The following DHODH variants were observed in gnomAD, a reference collection of about 807,000 sequenced individuals.
The protein encoded by DHODH is dihydroorotate dehydrogenase (quinone).
A neutral mutation model predicts 39.7 loss-of-function variants in DHODH; 30 were observed. The observed-to-expected ratio is 0.76, with a 90% CI of 0.57 to 1.02. The LOEUF (loss-of-function observed/expected upper bound fraction) is 1.02, where lower values mean the gene tolerates loss of function less well. Among genes scored for constraint, DHODH ranks in the 50% least tolerant of loss-of-function variants. The pLI, the probability that DHODH is intolerant of heterozygous loss-of-function variation, is 0.00. For missense variants in DHODH, 531 were observed against 520.8 expected (o/e 1.02, Z -0.19); for synonymous variants, 222 against 213.8 (o/e 1.04, Z -0.34).
chr16:72,008,927 C>A (rs2041050706), intron 1 of DHODH, 142 bp downstream of exon 1: 4 of 1,527,914 alleles, frequency 2.6e-6, no homozygotes, highest in Admixed American at 4.1e-5. Context: ...TTTCCGGGGT[C>A]TCCTGCAAAT....
intron 5 of DHODH, among the ~76,000 whole-genome samples, chr16:72,021,905 G>T (rs1205795139): frequency 6.6e-6 from 1 of 152,040 alleles, no homozygotes; most frequent in East Asian, 1.9e-4. Context: ...ACCAGCCTGG[G>T]CAACTTGGCA....
At chr16:72,014,932 A>T (rs2041125388) in intron 3 of DHODH, among the ~76,000 whole-genome samples, 1 of 152,226 alleles carries the variant, frequency 6.6e-6, no homozygotes, top group Non-Finnish European at 1.5e-5. Flanking sequence ...CACGGAGATA[A>T]TAAGCAGGAG....
intron 2 of DHODH, among the ~76,000 whole-genome samples, chr16:72,013,264 G>A (rs542763678): frequency 2.0e-4 from 30 of 152,276 alleles, no homozygotes; most frequent in Middle Eastern, 3.4e-3. Flanking sequence ...AGAGCACTCC[G>A]TTAAGGTGTC....
At chr16:72,016,857 A>T in intron 3 of DHODH, 167 bp from the exon 4 acceptor site, 1 of 680,462 alleles carries the variant, frequency 1.5e-6, no homozygotes, top group Non-Finnish European at 2.7e-6. Flanking sequence ...TGGGTATTGG[A>T]TGGTGTTCTG....
At chr16:72,020,337 A>G (rs2041192944) in intron 4 of DHODH, 1 of 120,212 alleles carries the variant, frequency 8.3e-6, no homozygotes, top group Non-Finnish European at 1.6e-5. Flanking sequence ...GTGTATATAT[A>G]TATATATATA....
In DHODH at chr16:72,024,308, C is replaced by T. The variant is rs2041256896; in HGVS notation, c.*109C>T. 4 of 1,233,060 alleles carry T rather than the reference C, an allele frequency of 3.2e-6. No homozygotes were observed. Among genetic ancestry groups the T allele is most frequent in the Admixed American group, 1.8e-5 (1 of 55,014 alleles). The allele number at this position is 1,233,060 out of a possible 1,614,324, so 76.4% of individuals were successfully genotyped here. On this transcript the variant is annotated 3_prime_UTR_variant, in exon 9 of 9. Transcript: ENST00000219240. Reference sequence around the variant, plus strand: ...CTCCATCTTGAGCCATGTCCCCCAGCCATGGCATGGCTGCACTGTAAACGC... The same window carrying T: ...CTCCATCTTGAGCCATGTCCCCCAGTCATGGCATGGCTGCACTGTAAACGC...
At chr16:72,018,848 CCTT>C (rs1274351605) in intron 4 of DHODH, among the ~76,000 whole-genome samples, 1 of 152,242 alleles carries the variant, frequency 6.6e-6, no homozygotes, top group Admixed American at 6.5e-5. Flanking sequence ...GTGATATTCT[CCTT>C]CAAGTCAGTT....
At position 72,017,128 on chromosome 16, in the gene DHODH, G is replaced by A. The variant is rs751850625; in HGVS notation, c.517+22G>A. 2.5e-6 allele frequency: 4 copies of A among 1,610,288 alleles called. No individual in the cohort carries two copies. The Admixed American group carries it at 5.0e-5, about 20-fold the overall frequency. On this transcript the variant is annotated intron_variant, in intron 4 of 8. Transcript: ENST00000219240. Reference sequence around the variant, plus strand: ...GAAGGTAAAGTGGGGTTGTGTCAGTGGGCCTTTCTTATTTATTAGGAGGAA... The same window carrying A: ...GAAGGTAAAGTGGGGTTGTGTCAGTAGGCCTTTCTTATTTATTAGGAGGAA...
chr16:72,013,564 C>T (rs1476306130), intron 2 of DHODH: 3 of 152,206 alleles, frequency 2.0e-5, no homozygotes, highest in Non-Finnish European at 4.4e-5. Context: ...GTTTGGCTCT[C>T]CACCCTTCAC....
Position 72,026,994 on chromosome 16 carries a change from TG to T in DHODH, c.*2796del, listed in dbSNP as rs56329942. On this transcript the variant is annotated 3_prime_UTR_variant, in exon 9 of 9. Transcript: ENST00000219240. ...GTGTGTGTGTGTGTGTGTGTGTGTGTGTGTGTGTGTGTGTGTTTTTGAGATG... is the reference window on the plus strand; with the variant it reads ...GTGTGTGTGTGTGTGTGTGTGTGTGTTGTGTGTGTGTGTGTTTTTGAGATG... 0.18 allele frequency: 25,537 copies of T among 139,742 alleles called. 3,015 individuals carry two copies. The highest frequency in any genetic ancestry group is 0.38 in the South Asian group (1,615 of 4,262). 8.7% of individuals were successfully genotyped at this position (139,742 alleles called of 1,614,324 possible). A position where few individuals can be genotyped will look rare whatever the true frequency, so the allele number is the denominator to read the frequency against.
intron 1 of DHODH, among the ~76,000 whole-genome samples, chr16:72,011,464 C>G (rs1476634186): frequency 1.3e-5 from 2 of 152,150 alleles, no homozygotes; most frequent in Non-Finnish European, 1.5e-5. Context: ...CATAAAGAGG[C>G]TCTATCTCTT....
intron 8 of DHODH, 135 bp from the exon 9 acceptor site, chr16:72,024,010 C>T: frequency 1.1e-6 from 1 of 937,524 alleles, no homozygotes. Context: ...CCCTAGGTCT[C>T]TGGGTGAAGA....
intron 4 of DHODH, among the ~76,000 whole-genome samples, chr16:72,019,517 GAAGTC>G (rs2041180003): frequency 6.6e-6 from 1 of 152,332 alleles, no homozygotes; most frequent in Admixed American, 6.5e-5. Context: ...AAACTTAGAA[GAAGTC>G]AAGTAGAGAC....
At chr16:72,012,426 C>T (rs755617629) in intron 2 of DHODH, among the ~76,000 whole-genome samples, 164 bp downstream of exon 2, 6 of 152,174 alleles carry the variant, frequency 3.9e-5, no homozygotes, top group African/African-American at 4.8e-5. Context: ...TAATTAGCAA[C>T]GATGATTATC....
intron 4 of DHODH, 128 bp from the exon 5 acceptor site, chr16:72,020,996 T>C (rs2041206856): frequency 9.7e-6 from 9 of 932,400 alleles, no homozygotes; most frequent in Admixed American, 2.3e-5. Context: ...TGTCAGCCGG[T>C]GTCGGGCAGG....
chr16:72,009,254 A>T (rs2041055272), intron 1 of DHODH: 1 of 486,092 alleles, frequency 2.1e-6, no homozygotes, highest in Non-Finnish European at 2.7e-6. Flanking sequence ...CTGTAATCCC[A>T]GCACTTTGGG....
intron 5 of DHODH, 101 bp from the exon 6 acceptor site, chr16:72,022,261 G>A: frequency 1.2e-6 from 1 of 830,982 alleles, no homozygotes; most frequent in Non-Finnish European, 2.0e-6. Context: ...GCTTTAGTTT[G>A]ATCGCTATTG....
intron 2 of DHODH, 138 bp downstream of exon 2, chr16:72,012,400 ATTATT>A (rs2041094249): frequency 1.4e-6 from 1 of 734,650 alleles, no homozygotes; most frequent in Admixed American, 2.2e-5. Flanking sequence ...TCTGAGCATT[ATTATT>A]TTATGTCATG....
At chr16:72,018,474 G>C (rs1340902593) in intron 4 of DHODH, among the ~76,000 whole-genome samples, 1 of 152,184 alleles carries the variant, frequency 6.6e-6, no homozygotes, top group African/African-American at 2.4e-5. Context: ...GGGAGCTTTG[G>C]AGGTCATCAC....
Sources: gnomAD v4.1 joint callset for allele counts (sites outside exome capture counted in the v4.1 genomes callset) on GRCh38, gnomAD v4.1.1 for gene constraint, MANE v1.5 for transcripts, NCBI Gene and HGNC (gene_info 2026-07-23, HGNC 2026-07-21) for gene names.